ACTN1: variants seen among roughly 807,000 people sequenced by gnomAD.
The protein encoded by ACTN1 is actinin alpha 1.
ACTN1 carries 30 observed loss-of-function variants against 119.6 expected under a neutral mutation model. The ratio of observed to expected loss-of-function variants is 0.25; its 90% CI spans 0.19 to 0.34. ACTN1 has a LOEUF of 0.34. Among genes scored for constraint, ACTN1 ranks in the 10% least tolerant of loss-of-function variants. The pLI is 1.00. For synonymous variants in ACTN1, 429 were observed against 472.6 expected (o/e 0.91, Z 1.20); for missense variants, 764 against 1,223.4 (o/e 0.62, Z 5.60).
At chr14:68,893,046 C>T (rs549371924) in intron 9 of ACTN1, among the ~76,000 whole-genome samples, 1 of 152,130 alleles carries the variant, frequency 6.6e-6, no homozygotes, top group Non-Finnish European at 1.5e-5. Context: ...TAAACCCAGG[C>T]ACTTGGGCTC....
At chr14:68,881,936 C>CTTTTT (rs781067137) in intron 16 of ACTN1, among the ~76,000 whole-genome samples, 6 of 58,394 alleles carry the variant, frequency 1.0e-4, no homozygotes, top group Non-Finnish European at 1.5e-4. Context: ...TAGGCAGCTT[C>CTTTTT]TTTTTTTTTT....
At chr14:68,891,727 G>A (rs1340704711) in intron 10 of ACTN1, among the ~76,000 whole-genome samples, 1 of 152,158 alleles carries the variant, frequency 6.6e-6, no homozygotes, top group Non-Finnish European at 1.5e-5. Flanking sequence ...ATTCAATTAT[G>A]CCCTGTTTGG....
At position 68,879,688 on chromosome 14, in the gene ACTN1, C is replaced by T. The variant is rs1294715504; in HGVS notation, c.2280+274G>A. On this transcript the variant is annotated intron_variant, in intron 18 of 21. Transcript: ENST00000394419. This position sits in a 1 kb window ranked among gnomAD's most constrained non-coding sequence, Gnocchi z 4.9. ...CAAGCCTTCACTGAGGGTGACTCCT[C>T]ATGGTAGGAGAGCAAGGATCAGGGG... Among the ~76,000 whole-genome samples, 2 of 151,808 alleles carry T rather than the reference C, an allele frequency of 1.3e-5. No individual in the cohort carries two copies. Among genetic ancestry groups the T allele is most frequent in the Non-Finnish European group, 2.9e-5 (2 of 67,984 alleles).
chr14:68,968,771 T>C lies in ACTN1; in HGVS notation c.105+10181A>G, dbSNP rs79936306. 2.0e-3 allele frequency among the ~76,000 whole-genome samples: 305 copies of C among 152,362 alleles called. 1 individual carries two copies. Among genetic ancestry groups the C allele is most frequent in the Admixed American group, 3.7e-3 (57 of 15,312 alleles). ...ATACCCTCAAATGGCCTTTACCTCC[T>C]ACTAAGCCATCCATATGGGTATTGT... On this transcript the variant is annotated intron_variant, in intron 1 of 21. Transcript: ENST00000394419.
chr14:68,923,505 G>A (rs1333147752), intron 2 of ACTN1, among the ~76,000 whole-genome samples: 1 of 152,026 alleles, frequency 6.6e-6, no homozygotes, highest in African/African-American at 2.4e-5. Flanking sequence ...TAGGAAGCAG[G>A]GACATTCTAA....
intron 1 of ACTN1, among the ~76,000 whole-genome samples, chr14:68,951,745 T>A (rs1380233335): frequency 6.6e-6 from 1 of 152,194 alleles, no homozygotes; most frequent in Non-Finnish European, 1.5e-5. Flanking sequence ...GTGTGGAGAC[T>A]CGTGCCTGGT....
At chr14:68,929,722 C>T (rs566125134) in intron 1 of ACTN1, among the ~76,000 whole-genome samples, 1 of 152,248 alleles carries the variant, frequency 6.6e-6, no homozygotes, top group African/African-American at 2.4e-5. Context: ...GCAGCCCTGT[C>T]TGCACTCCAC....
intron 11 of ACTN1, chr14:68,888,233 G>C (rs1302744178): frequency 1.3e-5 from 5 of 387,786 alleles, no homozygotes; most frequent in African/African-American, 2.1e-5. Flanking sequence ...CCAGGTCAGA[G>C]TGTAGTAAAA....
Position 68,940,041 on chromosome 14 carries a change from G to A in ACTN1, c.106-14369C>T, listed in dbSNP as rs2035711633. ...GGGCGGAGCTGGTCTTCGAAGCAGA[G>A]TGGCACCCGCTCCGGGAGGCCAGTG... On this transcript the variant is annotated intron_variant, in intron 1 of 21. Transcript: ENST00000394419. Among the ~76,000 whole-genome samples, 2 of 152,218 alleles carry A rather than the reference G, an allele frequency of 1.3e-5. 1 individual carries two copies. The highest frequency in any genetic ancestry group is 4.1e-4 in the South Asian group (2 of 4,828).
intron 1 of ACTN1, among the ~76,000 whole-genome samples, chr14:68,950,658 T>C (rs4902678): frequency 0.78 from 117,009 of 150,820 alleles, 46,579 homozygotes; most frequent in East Asian, 1. Flanking sequence ...GCCTCCCTGG[T>C]TCACACCATT....
Position 68,879,942 on chromosome 14 carries a change from G to GCTCTCACC in ACTN1, c.2280+19_2280+20insGGTGAGAG, listed in dbSNP as rs1410632939. ...AGGGGTTGGGGGCTGCACTAAGAAA[G>GCTCTCACC]CACAGGATGGGGCTCTCACCCGGTC... is the stretch of plus-strand genomic sequence containing the variant. On this transcript the variant is annotated intron_variant, in intron 18 of 21. Coordinates refer to ENST00000394419, the MANE Select transcript of ACTN1 (RefSeq NM_001130004.2). This position sits in a 1 kb window ranked among gnomAD's most constrained non-coding sequence, Gnocchi z 4.9. 1.2e-6 allele frequency: 2 copies of GCTCTCACC among 1,612,656 alleles called. No individual in the cohort carries two copies. The highest frequency in any genetic ancestry group is 1.7e-6 in the Non-Finnish European group (2 of 1,178,942).
chr14:68,962,889 G>A (rs947451845), intron 1 of ACTN1, among the ~76,000 whole-genome samples: 2 of 151,992 alleles, frequency 1.3e-5, no homozygotes, highest in Admixed American at 6.6e-5. Flanking sequence ...AGGCAGCCAC[G>A]CACTGAGCAG....
rs2030628288 is a variant in ACTN1, at chr14:68,874,653, G to T, written c.*206C>A. On this transcript the variant is annotated 3_prime_UTR_variant, in exon 22 of 22. Transcript: ENST00000394419. Reference sequence around the variant, plus strand: ...CTATAATAAAATATGTAGTTTTTTGGTTTTTAACGTAACTTTTTTTTCTTT... The same window carrying T: ...CTATAATAAAATATGTAGTTTTTTGTTTTTTAACGTAACTTTTTTTTCTTT... 1 of 429,728 alleles carries T rather than the reference G, an allele frequency of 2.3e-6. No individual in the cohort carries two copies. The highest frequency in any genetic ancestry group is 6.1e-4 in the Middle Eastern group (1 of 1,650). The allele number at this position is 429,728 out of a possible 1,614,324, so 26.6% of individuals were successfully genotyped here.
rs188580855 is a variant in ACTN1, at chr14:68,940,304, T to C, written c.106-14632A>G. Among the ~76,000 whole-genome samples, 153 of 152,220 alleles carry C rather than the reference T, an allele frequency of 1.0e-3. 1 individual carries two copies. Among genetic ancestry groups the C allele is most frequent in the African/African-American group, 3.2e-3 (134 of 41,530 alleles). On this transcript the variant is annotated intron_variant, in intron 1 of 21. Coordinates refer to ENST00000394419, the MANE Select transcript of ACTN1 (RefSeq NM_001130004.2). ...GAGAGCTCTGGGTCACTCAATTCCA[T>C]AGAGAACTCCCCCAGCTGACAGGGA...
chr14:68,892,265 G>A lies in ACTN1; in HGVS notation c.874C>T (p.Arg292Cys), dbSNP rs377559061. The A allele has an allele frequency of 2.0e-5, 33 of 1,613,120 alleles. No individual in the cohort carries two copies. In the East Asian group the frequency reaches 2.7e-4, roughly 13 times the overall value. Residue 292 changes from arginine to cysteine, a missense_variant, in exon 10 of 22, where the codon CGC (arginine) becomes TGC (cysteine). By Grantham distance (180) the Arg-to-Cys change is radical. Transcript: ENST00000394419. ...LASDLLEWIRRTIPWLENRVP... is the reference protein window; with the variant it reads ...LASDLLEWIRCTIPWLENRVP... ...CGGTTCTCCAGCCACGGGATTGTGC[G>A]GCGGATCCACTCCAACAGCTAGGGT... is the stretch of plus-strand genomic sequence containing the variant.
intron 1 of ACTN1, among the ~76,000 whole-genome samples, chr14:68,955,642 G>C (rs997938390): frequency 1.3e-5 from 2 of 152,204 alleles, no homozygotes; most frequent in Admixed American, 6.5e-5. Context: ...GGGAGGACCT[G>C]CTGAGCAGGG....
intron 1 of ACTN1, among the ~76,000 whole-genome samples, chr14:68,963,114 T>C (rs1303523895): frequency 6.6e-6 from 1 of 151,944 alleles, no homozygotes; most frequent in Non-Finnish European, 1.5e-5. Context: ...CCACCTCCCC[T>C]TGACCCTGCC....
chr14:68,883,451 G>C, intron 14 of ACTN1: 1 of 181,690 alleles, frequency 5.5e-6, no homozygotes, highest in Non-Finnish European at 1.2e-5. Context: ...GATGTGAAAT[G>C]AGCTCCAAAT....
chr14:68,885,023 C>T lies in ACTN1; in HGVS notation c.1386-140G>A, dbSNP rs529412551. ...CTCCCTTCAAGAGACCTTCCAGGCA[C>T]TCCTTCCACCCCTCCCCTCTTTCAG... On this transcript the variant is annotated intron_variant, in intron 12 of 21. Coordinates refer to ENST00000394419, the MANE Select transcript of ACTN1 (RefSeq NM_001130004.2). This position sits in a 1 kb window ranked among gnomAD's most constrained non-coding sequence, Gnocchi z 5.6. 7.5e-6 allele frequency: 5 copies of T among 666,808 alleles called. No homozygotes were observed. In the Admixed American group the frequency reaches 7.8e-5, roughly 10 times the overall value. The allele number at this position is 666,808 out of a possible 1,614,324, so 41.3% of individuals were successfully genotyped here. A position where few individuals can be genotyped will look rare whatever the true frequency, so the allele number is the denominator to read the frequency against.
Sources: gnomAD v4.1 joint callset for allele counts (sites outside exome capture counted in the v4.1 genomes callset) on GRCh38, gnomAD v4.1.1 for gene constraint, Gnocchi (gnomAD v3.1) non-coding constraint, MANE v1.5 for transcripts, NCBI Gene and HGNC (gene_info 2026-07-23, HGNC 2026-07-21) for gene names.